Variants in MASP1 observed in about 807,000 individuals in gnomAD.
The protein encoded by MASP1 is mannan-binding lectin serine protease 1.
MASP1 carries 59 observed loss-of-function variants against 77.1 expected under a neutral mutation model. The observed-to-expected ratio is 0.77, with a 90% CI of 0.62 to 0.95. The LOEUF (loss-of-function observed/expected upper bound fraction) is 0.95. Ranked by LOEUF, MASP1 falls within the 40% of genes least tolerant of loss-of-function variation. The probability of loss-of-function intolerance (pLI) is 0.00; values close to 1 mark genes in which losing one functional copy is unlikely to be tolerated. For synonymous variants in MASP1, 362 were observed against 354.5 expected (o/e 1.02, Z -0.24); for missense variants, 885 against 912.9 (o/e 0.97, Z 0.39).
At chr3:187,221,597 A>T (rs1336031132) in intron 14 of MASP1, among the ~76,000 whole-genome samples, 1 of 152,176 alleles carries the variant, frequency 6.6e-6, no homozygotes, top group Non-Finnish European at 1.5e-5. Flanking sequence ...TATTTGATAT[A>T]CTAATCATTG....
At chr3:187,252,702 G>A (rs1263857804) in intron 6 of MASP1, among the ~76,000 whole-genome samples, 1 of 152,120 alleles carries the variant, frequency 6.6e-6, no homozygotes, top group Non-Finnish European at 1.5e-5. Flanking sequence ...TGGCTGACTT[G>A]GGGGATGGGG....
chr3:187,274,000 G>A (rs1255970957), intron 2 of MASP1, among the ~76,000 whole-genome samples: 2 of 152,130 alleles, frequency 1.3e-5, no homozygotes, highest in East Asian at 3.9e-4. Context: ...ATGAAGTCAG[G>A]AGTTCAAGAC....
chr3:187,239,219 G>A (rs975153150), intron 10 of MASP1, among the ~76,000 whole-genome samples: 25 of 151,826 alleles, frequency 1.6e-4, no homozygotes, highest in African/African-American at 6.1e-4. Context: ...CAGGCATGGT[G>A]GTGCATGCCT....
downstream of MASP1, among the ~76,000 whole-genome samples, chr3:187,232,946 G>C (rs1381053800): frequency 6.6e-6 from 1 of 152,178 alleles, no homozygotes; most frequent in South Asian, 2.1e-4. Flanking sequence ...TGCGTCCCAT[G>C]GTGAGACTTC....
At chr3:187,237,647 T>A (rs1713293595) in intron 10 of MASP1, among the ~76,000 whole-genome samples, 1 of 152,254 alleles carries the variant, frequency 6.6e-6, no homozygotes, top group Non-Finnish European at 1.5e-5. Flanking sequence ...ACCAGCCTCC[T>A]GTAGCCAAAT....
intron 2 of MASP1, among the ~76,000 whole-genome samples, chr3:187,275,562 TG>T (rs1189908972): frequency 1.3e-5 from 2 of 152,192 alleles, no homozygotes; most frequent in South Asian, 2.1e-4. Flanking sequence ...TCAGAGATTT[TG>T]CTACCCTGTT....
At chr3:187,230,042 C>A, downstream of MASP1, 1 of 897,080 alleles carries the variant, frequency 1.1e-6, no homozygotes, top group African/African-American at 1.7e-5. Flanking sequence ...TAATAGCATC[C>A]CAGTCTTTCT....
rs979700872 is a variant in MASP1 at position 187,220,010 on chromosome 3, G to C, written c.*61C>G. 5 of 1,569,748 alleles carry C rather than the reference G, an allele frequency of 3.2e-6. No individual in the cohort carries two copies. The Admixed American group carries it at 5.1e-5, about 16-fold the overall frequency. The stretch of plus-strand genomic sequence containing the variant: ...AAAGGAGAAATGGCTGCTTTCATCG[G>C]AGGATCGTCCTCTGCTACTGACTGC... On this transcript the variant is annotated 3_prime_UTR_variant, in exon 16 of 16. Coordinates refer to the MASP1 transcript ENST00000337774.
intron 15 of MASP1, among the ~76,000 whole-genome samples, chr3:187,220,500 T>C (rs1446414211): frequency 1.9e-4 from 27 of 142,450 alleles, no homozygotes; most frequent in African/African-American, 4.0e-4. Flanking sequence ...TTCTTTCTTT[T>C]TTTTTTTTTT....
intron 11 of MASP1, chr3:187,226,568 C>A (rs774753200): frequency 7.5e-7 from 1 of 1,332,586 alleles, no homozygotes; most frequent in Non-Finnish European, 1.1e-6. Flanking sequence ...CTGGGTCTTG[C>A]CTCCCTCTGT....
chr3:187,253,254 C>A lies in MASP1; in HGVS notation c.806G>T (p.Ser269Ile), dbSNP rs1280435487. 1 of 1,614,062 alleles carries A rather than the reference C, an allele frequency of 6.2e-7. No homozygotes were observed. The highest frequency in any genetic ancestry group is 1.3e-5 in the African/African-American group (1 of 74,910). ...FCGEKAPEPI[S>I]TQSHSVLILF... ...GATCAGGACACTGTGGCTCTGGGTG[C>A]TGATGGGTTCTGGGGCTTTCTCTCC... Residue 269 changes from serine to isoleucine, a missense_variant, in exon 6 of 11, where the codon AGC becomes ATC. Physicochemically the swap from Ser to Ile is moderately radical, Grantham distance 142. Coordinates refer to ENST00000296280, the MANE Select transcript of MASP1 (RefSeq NM_139125.4).
At chr3:187,231,854 T>C (rs1016379821), downstream of MASP1, among the ~76,000 whole-genome samples, 1 of 152,224 alleles carries the variant, frequency 6.6e-6, no homozygotes, top group Non-Finnish European at 1.5e-5. Flanking sequence ...GAACTGAACA[T>C]GTAATTTTTA....
chr3:187,281,612 C>T (rs1181691704), intron 2 of MASP1, among the ~76,000 whole-genome samples: 1 of 152,222 alleles, frequency 6.6e-6, no homozygotes, highest in African/African-American at 2.4e-5. Flanking sequence ...TACTGGAGTG[C>T]TTGCAGTTAT....
intron 11 of MASP1, among the ~76,000 whole-genome samples, chr3:187,228,448 A>G (rs1712566343): frequency 6.7e-6 from 1 of 150,138 alleles, no homozygotes; most frequent in Non-Finnish European, 1.5e-5. Flanking sequence ...CCTCCACACC[A>G]CTCTGCTTCT....
At chr3:187,233,090 C>T (rs1051244086), downstream of MASP1, among the ~76,000 whole-genome samples, 1 of 152,180 alleles carries the variant, frequency 6.6e-6, no homozygotes, top group African/African-American at 2.4e-5. Flanking sequence ...GGTGGTGGGT[C>T]TGCACCATCC....
chr3:187,251,715 C>T lies in MASP1; in HGVS notation c.930G>A (p.Gly310=). The T allele has an allele frequency of 6.2e-7, 1 of 1,614,114 alleles. No homozygotes were observed. Among genetic ancestry groups the T allele is most frequent in the Non-Finnish European group, 8.5e-7 (1 of 1,180,010 alleles). ...ECPELQPPVH[G]KIEPSQAKYF... ...ACTTGGCTTGGGAGGGCTCGATTTTCCCATGGACAGGAGGCTGTAGCTCTG... is the reference window on the plus strand; with the variant it reads ...ACTTGGCTTGGGAGGGCTCGATTTTTCCATGGACAGGAGGCTGTAGCTCTG... Residue 310 remains glycine, a synonymous_variant, in exon 7 of 11, where the codon GGG becomes GGA. Transcript: ENST00000296280.
Position 187,253,209 on chromosome 3 carries a change from G to A in MASP1, c.851C>T (p.Ser284Leu), listed in dbSNP as rs760110023. Residue 284 changes from serine to leucine, a missense_variant, in exon 6 of 11, where the codon TCG (serine) becomes TTG (leucine). Ser to Leu is a moderately radical substitution (Grantham distance 145). Coordinates refer to ENST00000296280, the MANE Select transcript of MASP1 (RefSeq NM_139125.4). ...SVLILFHSDNSGENRGWRLSY... is the reference protein window; with the variant it reads ...SVLILFHSDNLGENRGWRLSY... The stretch of plus-strand genomic sequence containing the variant: ...GAGCCTCCAGCCCCGGTTCTCTCCC[G>A]AGTTGTCACTATGGAACAGGATCAG... 5.6e-6 allele frequency: 9 copies of A among 1,614,024 alleles called. No homozygotes were observed. Among genetic ancestry groups the A allele is most frequent in the Non-Finnish European group, 1.7e-6 (2 of 1,180,012 alleles).
chr3:187,254,108 C>T (rs980843156), intron 5 of MASP1, among the ~76,000 whole-genome samples: 4 of 152,000 alleles, frequency 2.6e-5, no homozygotes, highest in Admixed American at 2.0e-4. Flanking sequence ...TGTCAAAGAA[C>T]CTGCAGTCTA....
rs749576001 is a variant in MASP1 at position 187,236,126 on chromosome 3, G to A, written c.1745C>T (p.Pro582Leu). The A allele has an allele frequency of 5.0e-6, 8 of 1,613,784 alleles. No individual in the cohort carries two copies. The highest frequency in any genetic ancestry group is 1.3e-5 in the African/African-American group (1 of 74,942). Residue 582 changes from proline (P) to leucine (L), a missense_variant, in exon 11 of 11, where the codon CCG becomes CTG. Transcript: ENST00000296280. The stretch of plus-strand genomic sequence containing the variant: ...CACCAGGCCCAGCATGTGGGGGGCC[G>A]GGCCTTCAGGCTCAAGCCTTGGCAG... ...VCLPRLEPEGPAPHMLGLVAG... is the reference protein window; with the variant it reads ...VCLPRLEPEGLAPHMLGLVAG...
Sources: gnomAD v4.1 joint callset for allele counts (sites outside exome capture counted in the v4.1 genomes callset) on GRCh38, gnomAD v4.1.1 for gene constraint, MANE v1.5 for transcripts, NCBI Gene and HGNC (gene_info 2026-07-23, HGNC 2026-07-21) for gene names.